LAPTM4B: variants seen among roughly 807,000 people sequenced by gnomAD.
The protein encoded by LAPTM4B is lysosomal-associated transmembrane protein 4B.
In LAPTM4B, 26 loss-of-function variants were observed where a neutral mutation model predicts 28.5. That is an observed-to-expected ratio of 0.91 (90% CI 0.67 to 1.27). The LOEUF (loss-of-function observed/expected upper bound fraction) is 1.27, where lower values mean the gene tolerates loss of function less well. Ranked by LOEUF, LAPTM4B falls within the 50% of genes most tolerant of loss-of-function variation. The pLI is 0.00. For missense variants in LAPTM4B, 288 were observed against 285.8 expected, an observed-to-expected ratio of 1.01 and a Z score of -0.06; for synonymous variants, 109 against 106.4, an observed-to-expected ratio of 1.02 and a Z score of -0.15.
intron 6 of LAPTM4B, among the ~76,000 whole-genome samples, chr8:97,839,321 G>A (rs753314204): frequency 9.9e-5 from 15 of 152,078 alleles, no homozygotes; most frequent in Admixed American, 9.8e-4. Context: ...AGCCTCCCGA[G>A]TAGCTGGGAT....
At chr8:97,819,727 CTTTTTTTTT>C (rs532220760) in intron 5 of LAPTM4B, among the ~76,000 whole-genome samples, 45 of 78,584 alleles carry the variant, frequency 5.7e-4, no homozygotes, top group Non-Finnish European at 6.8e-4. Context: ...GATAAATTTC[CTTTTTTTTT>C]TTTTTTTTTT....
At chr8:97,827,750 G>A (rs1044197156) in intron 6 of LAPTM4B, among the ~76,000 whole-genome samples, 5 of 152,114 alleles carry the variant, frequency 3.3e-5, no homozygotes, top group Non-Finnish European at 7.4e-5. Context: ...AGGTGCGAGC[G>A]GGCTGAGTCC....
At chr8:97,776,835 T>C (rs1167803165) in intron 1 of LAPTM4B, among the ~76,000 whole-genome samples, 1 of 152,180 alleles carries the variant, frequency 6.6e-6, no homozygotes, top group African/African-American at 2.4e-5. Flanking sequence ...CTTGACAGAC[T>C]CAGCGGGCAA....
At chr8:97,800,527 G>A (rs2438219) in intron 1 of LAPTM4B, among the ~76,000 whole-genome samples, 52,188 of 111,750 alleles carry the variant, frequency 0.47, 11,633 homozygotes, top group Middle Eastern at 0.6. Context: ...TGGAGTTTTC[G>A]CTTTTGTTGC....
intron 6 of LAPTM4B, among the ~76,000 whole-genome samples, chr8:97,839,011 A>C (rs1817303706): frequency 6.6e-6 from 1 of 152,174 alleles, no homozygotes; most frequent in Admixed American, 6.5e-5. Context: ...AGCTTCAGAT[A>C]GACTTACCTG....
At chr8:97,803,516 C>T (rs902466281) in intron 1 of LAPTM4B, among the ~76,000 whole-genome samples, 3 of 152,120 alleles carry the variant, frequency 2.0e-5, no homozygotes, top group Non-Finnish European at 4.4e-5. Flanking sequence ...TCAAGTAATC[C>T]ACCCACCTTG....
At chr8:97,805,330 T>TG in intron 1 of LAPTM4B, 23 bp from the exon 2 acceptor site, 3 of 1,085,754 alleles carry the variant, frequency 2.8e-6, no homozygotes, top group Non-Finnish European at 3.9e-6. Flanking sequence ...AATTCTTTTT[T>TG]TTTTTTTTTT....
chr8:97,794,989 G>T lies in LAPTM4B; in HGVS notation c.100-10364G>T, dbSNP rs185550531. ...AGCCTCCCAAAGTGCTGGGATTACA[G>T]GCGTGAGCCGCCATGCCCAGCCCCA... On this transcript the variant is annotated intron_variant, in intron 1 of 6. Transcript: ENST00000521545. Among the ~76,000 whole-genome samples the T allele has an allele frequency of 4.2e-3, 645 of 152,372 alleles. 3 individuals are homozygous for T. The highest frequency in any genetic ancestry group is 0.014 in the African/African-American group (593 of 41,582).
At chr8:97,807,607 C>T (rs1816773820) in intron 2 of LAPTM4B, among the ~76,000 whole-genome samples, 1 of 151,904 alleles carries the variant, frequency 6.6e-6, no homozygotes, top group Admixed American at 6.6e-5. Context: ...AGTCTGTGGC[C>T]CAGAGGAAAT....
At chr8:97,795,837 T>TAAAA (rs1190473113) in intron 1 of LAPTM4B, among the ~76,000 whole-genome samples, 1 of 114,132 alleles carries the variant, frequency 8.8e-6, no homozygotes, top group Non-Finnish European at 1.7e-5. Context: ...ACTCTGTCTT[T>TAAAA]AAAAAAAAAA....
intron 1 of LAPTM4B, among the ~76,000 whole-genome samples, chr8:97,799,895 C>T (rs1309913723): frequency 3.3e-5 from 5 of 152,168 alleles, no homozygotes; most frequent in Non-Finnish European, 7.3e-5. Context: ...GTCCTTGTCT[C>T]AGTGGCATTG....
At chr8:97,796,964 TAATAA>T (rs1003189274) in intron 1 of LAPTM4B, among the ~76,000 whole-genome samples, 4 of 151,552 alleles carry the variant, frequency 2.6e-5, no homozygotes, top group Non-Finnish European at 5.9e-5. Flanking sequence ...TCTCAATAAA[TAATAA>T]AATAAAGAAA....
chr8:97,833,249 G>T (rs1021896096), intron 6 of LAPTM4B, among the ~76,000 whole-genome samples: 14 of 151,924 alleles, frequency 9.2e-5, no homozygotes, highest in African/African-American at 3.1e-4. Flanking sequence ...CAGGAGAATC[G>T]CTTGAACCTG....
At chr8:97,782,125 C>T (rs1025821972) in intron 1 of LAPTM4B, among the ~76,000 whole-genome samples, 13 of 151,716 alleles carry the variant, frequency 8.6e-5, no homozygotes, top group Non-Finnish European at 1.8e-4. Context: ...GGATTACAGG[C>T]ATGCGCCACC....
At position 97,812,208 on chromosome 8, in the gene LAPTM4B, TTTTTTTTTGTTGTTTTTTG is replaced by T. The variant is rs1240085762; in HGVS notation, c.212-3111_212-3093del. On this transcript the variant is annotated intron_variant, in intron 2 of 6. Coordinates refer to ENST00000521545, the MANE Select transcript of LAPTM4B (RefSeq NM_018407.6). Reference sequence around the variant, plus strand: ...AAGGATAAGTAAATTAATTATTTGTTTTTTTTTTGTTGTTTTTTGTTTTTTTTTTGAGTCGGAGTCTGAC... The same window carrying T: ...AAGGATAAGTAAATTAATTATTTGTTTTTTTTTTTTGAGTCGGAGTCTGAC... Among the ~76,000 whole-genome samples the T allele has an allele frequency of 7.3e-4, 49 of 67,394 alleles. 1 individual carries two copies. Among genetic ancestry groups the T allele is most frequent in the African/African-American group, 1.6e-3 (48 of 30,778 alleles). 44.2% of individuals were successfully genotyped at this position (67,394 alleles called of 152,430 possible). A position where few individuals can be genotyped will look rare whatever the true frequency, so the allele number is the denominator to read the frequency against.
intron 1 of LAPTM4B, among the ~76,000 whole-genome samples, chr8:97,795,667 A>T (rs1400277095): frequency 6.6e-6 from 1 of 151,994 alleles, no homozygotes; most frequent in African/African-American, 2.4e-5. Context: ...AGCCTGGCCA[A>T]CATGGTGAAA....
chr8:97,776,324 G>A (rs940336964), intron 1 of LAPTM4B, among the ~76,000 whole-genome samples: 2 of 152,216 alleles, frequency 1.3e-5, no homozygotes, highest in Non-Finnish European at 2.9e-5. Context: ...GGAGGCCAGG[G>A]GCGCGGGGCG....
intron 6 of LAPTM4B, among the ~76,000 whole-genome samples, chr8:97,843,219 C>T (rs575473435): frequency 6.6e-5 from 10 of 152,224 alleles, no homozygotes; most frequent in African/African-American, 2.4e-4. Flanking sequence ...TTTGGCCGGG[C>T]CATCCGAGAC....
At chr8:97,790,884 T>G (rs1254470358) in intron 1 of LAPTM4B, among the ~76,000 whole-genome samples, 1 of 151,972 alleles carries the variant, frequency 6.6e-6, no homozygotes, top group Non-Finnish European at 1.5e-5. Context: ...GGATTACAGG[T>G]GTGTGCCACT....
Sources: allele counts gnomAD v4.1 joint callset (sites outside exome capture counted in the v4.1 genomes callset), GRCh38; gene constraint gnomAD v4.1.1; transcripts MANE v1.5; gene names NCBI Gene and HGNC (gene_info 2026-07-23, HGNC 2026-07-21).